Variants in CARS1 observed in about 807,000 individuals in gnomAD.
The protein encoded by CARS1 is cysteinyl-tRNA synthetase 1, also known as cysteine--tRNA ligase, cytoplasmic.
In CARS1, 48 loss-of-function variants were observed where a neutral mutation model predicts 106.2. The observed-to-expected ratio is 0.45, with a 90% CI of 0.36 to 0.57. The LOEUF (loss-of-function observed/expected upper bound fraction) is 0.57, where lower values mean the gene tolerates loss of function less well. Among genes scored for constraint, CARS1 ranks in the 20% least tolerant of loss-of-function variants. The probability of loss-of-function intolerance (pLI) is 0.00; values close to 1 mark genes in which losing one functional copy is unlikely to be tolerated. For missense variants in CARS1, 968 were observed against 1,057.2 expected, an observed-to-expected ratio of 0.92 and a Z score of 1.17; for synonymous variants, 409 against 403.4, an observed-to-expected ratio of 1.01 and a Z score of -0.17.
In CARS1 at chr11:3,028,143, C is replaced by T. The variant is rs1361707958; in HGVS notation, c.1031+853G>A. The T allele has an allele frequency of 4.1e-6, 1 of 243,032 alleles. No homozygotes were observed. 15.1% of individuals were successfully genotyped at this position (243,032 alleles called of 1,614,324 possible). A position where few individuals can be genotyped will look rare whatever the true frequency, so the allele number is the denominator to read the frequency against. ...GGCGTAAGCTGCCTCTCTCTGTCTC[C>T]TCTCTCTCTCTGCCTTGGCTGCCAG... is the stretch of plus-strand genomic sequence containing the variant. On this transcript the variant is annotated intron_variant, in intron 9 of 22. Coordinates refer to ENST00000380525, the MANE Select transcript of CARS1 (RefSeq NM_001014437.3). The surrounding 1 kb of genome is among the most constrained non-coding windows in gnomAD (Gnocchi z 4.4).
At position 3,050,524 on chromosome 11, in the gene CARS1, G is replaced by A. The variant is rs1180388659; in HGVS notation, c.26-2523C>T. ...CCTGGATTCCTGCAAGCCAGACACC[G>A]CCACCTGTAGCCAGCATGGCTCTCC... is the stretch of plus-strand genomic sequence containing the variant. On this transcript the variant is annotated intron_variant, in intron 1 of 22. Coordinates refer to ENST00000380525, the MANE Select transcript of CARS1 (RefSeq NM_001014437.3). This position sits in a 1 kb window ranked among gnomAD's most constrained non-coding sequence, Gnocchi z 6.3. 1.3e-5 allele frequency among the ~76,000 whole-genome samples: 2 copies of A among 152,130 alleles called. No homozygotes were observed. Among genetic ancestry groups the A allele is most frequent in the South Asian group, 2.1e-4 (1 of 4,820 alleles).
At position 3,028,270 on chromosome 11, in the gene CARS1, A is replaced by T. The variant is rs1273038272; in HGVS notation, c.1031+726T>A. ...TAACCTACCCCTTTGTCTTGTATCCAATAAATATCAGTGCAGCCTGGCATT... is the reference window on the plus strand; with the variant it reads ...TAACCTACCCCTTTGTCTTGTATCCTATAAATATCAGTGCAGCCTGGCATT... On this transcript the variant is annotated intron_variant, in intron 9 of 22. Transcript: ENST00000380525. This position sits in a 1 kb window ranked among gnomAD's most constrained non-coding sequence, Gnocchi z 4.4. 7 of 492,432 alleles carry T rather than the reference A, an allele frequency of 1.4e-5. No individual in the cohort carries two copies. The highest frequency in any genetic ancestry group is 2.3e-5 in the Non-Finnish European group (6 of 264,212). 30.5% of individuals were successfully genotyped at this position (492,432 alleles called of 1,614,324 possible). A position where few individuals can be genotyped will look rare whatever the true frequency, so the allele number is the denominator to read the frequency against.
chr11:3,014,140 A>G (rs908946320), intron 17 of CARS1, among the ~76,000 whole-genome samples: 1 of 152,152 alleles, frequency 6.6e-6, no homozygotes, highest in African/African-American at 2.4e-5. Context: ...AAAGGGAGGC[A>G]TTCACCCCAC....
rs1309267182 is a variant in CARS1 at position 3,001,174 on chromosome 11, C to G, written c.2436G>C (p.Glu812Asp). Residue 812 changes from glutamate to aspartate, a missense_variant, in exon 23 of 23, where the codon GAG becomes GAC. Glu to Asp is a conservative substitution (Grantham distance 45). Transcript: ENST00000380525. Reference protein sequence around the residue: ...GQAKKLKKLFEAQEKLYKEYL... With the variant: ...GQAKKLKKLFDAQEKLYKEYL... The stretch of plus-strand genomic sequence containing the variant: ...ATTCCTTGTAGAGCTTCTCCTGAGC[C>G]TCGAAGAGCTTCTTCAGCTTCTTGG... 6.2e-7 allele frequency: 1 copy of G among 1,613,984 alleles called. No individual in the cohort carries two copies. Among genetic ancestry groups the G allele is most frequent in the Non-Finnish European group, 8.5e-7 (1 of 1,180,028 alleles).
chr11:3,056,943 T>A (rs1856267643), intron 1 of CARS1, among the ~76,000 whole-genome samples: 1 of 152,014 alleles, frequency 6.6e-6, no homozygotes. Context: ...CCCCGCGGGG[T>A]CTGTGCTCCA....
At position 3,052,575 on chromosome 11, in the gene CARS1, G is replaced by A. The variant is rs1855807264; in HGVS notation, c.26-4574C>T. On this transcript the variant is annotated intron_variant, in intron 1 of 22. Coordinates refer to ENST00000380525, the MANE Select transcript of CARS1 (RefSeq NM_001014437.3). The surrounding 1 kb of genome is among the most constrained non-coding windows in gnomAD (Gnocchi z 4.6). ...ATAATTCTTAAATGTACCGTCTAGA[G>A]CAGGCTAGACGGCTCATCAAAAGGG... Among the ~76,000 whole-genome samples the A allele has an allele frequency of 6.6e-6, 1 of 152,094 alleles. No individual in the cohort carries two copies. Among genetic ancestry groups the A allele is most frequent in the African/African-American group, 2.4e-5 (1 of 41,402 alleles).
intron 18 of CARS1, among the ~76,000 whole-genome samples, chr11:3,011,471 G>A (rs1049617281): frequency 1.4e-3 from 215 of 152,060 alleles, no homozygotes; most frequent in Non-Finnish European, 2.3e-3. Flanking sequence ...AAAATTAGCC[G>A]GGCGCGGTGG....
chr11:3,057,059 C>T (rs1001754634), intron 1 of CARS1, among the ~76,000 whole-genome samples: 2 of 152,102 alleles, frequency 1.3e-5, no homozygotes, highest in African/African-American at 4.8e-5. Context: ...TGCCACCCCT[C>T]GAACCTCAGG....
At chr11:3,002,690 T>G in intron 20 of CARS1, 90 bp from the exon 21 acceptor site, 2 of 1,581,384 alleles carry the variant, frequency 1.3e-6, no homozygotes, top group East Asian at 4.5e-5. Context: ...CAAGCCCCTC[T>G]CCTAGGGCCT....
At chr11:3,002,495 G>A in intron 21 of CARS1, 46 bp downstream of exon 21, 2 of 1,610,034 alleles carry the variant, frequency 1.2e-6, no homozygotes, top group Non-Finnish European at 1.7e-6. Flanking sequence ...GGGTCAGGGT[G>A]CACTCCTGCC....
chr11:3,029,404 G>A lies in CARS1; in HGVS notation c.841C>T (p.Leu281=). The A allele has an allele frequency of 6.2e-7, 1 of 1,614,086 alleles. No individual in the cohort carries two copies. Among genetic ancestry groups the A allele is most frequent in the Non-Finnish European group, 8.5e-7 (1 of 1,179,998 alleles). ...EEAKDLLSDW[L]DSTLGCDVTD... is the part of the protein sequence containing the mutation. ...ACATCACAGCCAAGTGTAGAATCCA[G>A]CCAGTCAGAGAGCAAATCCTTGGCT... The change falls in exon 8 of 23, where the codon CTG becomes TTG. Residue 281 remains leucine (L), a synonymous_variant. Transcript: ENST00000380525. This position sits in a 1 kb window ranked among gnomAD's most constrained non-coding sequence, Gnocchi z 5.9.
rs933241312 is a variant in CARS1, at chr11:3,020,323, C to T, written c.1163G>A (p.Ser388Asn). ...KALQEGEGDL[S>N]ISADRLSEKR... ...CTCACTCAGGCGGTCTGCAGAGATG[C>T]TCAGGTCACCTGCAAACACGAGGGA... The change falls in exon 11 of 23, where the codon AGC (serine) becomes AAC (asparagine). Residue 388 changes from serine to asparagine, a missense_variant. Coordinates refer to ENST00000380525, the MANE Select transcript of CARS1 (RefSeq NM_001014437.3). This position sits in a 1 kb window ranked among gnomAD's most constrained non-coding sequence, Gnocchi z 4.6. The T allele has an allele frequency of 1.2e-6, 2 of 1,611,166 alleles. No individual in the cohort carries two copies. Among genetic ancestry groups the T allele is most frequent in the Admixed American group, 1.7e-5 (1 of 60,008 alleles).
chr11:3,003,691 G>A lies in CARS1; in HGVS notation c.2218-1091C>T, dbSNP rs1329805768. On this transcript the variant is annotated intron_variant, in intron 20 of 22. Transcript: ENST00000380525. This position sits in a 1 kb window ranked among gnomAD's most constrained non-coding sequence, Gnocchi z 4.8. ...GGGCTGGCCGAGGGAAAGGGGCTGA[G>A]GTGGGGGAGGAGCTGGGCACTGAGC... 6.6e-6 allele frequency among the ~76,000 whole-genome samples: 1 copy of A among 152,198 alleles called. No individual in the cohort carries two copies. The highest frequency in any genetic ancestry group is 2.4e-5 in the African/African-American group (1 of 41,436).
chr11:3,012,436 C>T (rs562637135), intron 17 of CARS1, among the ~76,000 whole-genome samples, 160 bp from the exon 18 acceptor site: 1 of 152,346 alleles, frequency 6.6e-6, no homozygotes, highest in South Asian at 2.1e-4. Context: ...TGGACGCTCT[C>T]GTCCCTGACA....
Position 3,012,122 on chromosome 11 carries a change from G to C in CARS1, c.2068+73C>G, listed in dbSNP as rs370242652. 1.0e-4 allele frequency: 142 copies of C among 1,352,834 alleles called. 1 individual carries two copies. The East Asian group carries it at 1.5e-3, about 14-fold the overall frequency. The allele number at this position is 1,352,834 out of a possible 1,614,324, so 83.8% of individuals were successfully genotyped here. On this transcript the variant is annotated intron_variant, in intron 18 of 22. Transcript: ENST00000380525. ...TCCGGCCTGAACGCCATAGTGCCTCGGGGGAGACGCCCGGTCCGGGGAGCC... is the reference window on the plus strand; with the variant it reads ...TCCGGCCTGAACGCCATAGTGCCTCCGGGGAGACGCCCGGTCCGGGGAGCC...
In CARS1 at chr11:3,018,661, T is replaced by G; in HGVS notation, c.1484A>C (p.Lys495Thr). The G allele has an allele frequency of 1.2e-6, 2 of 1,614,260 alleles. No individual in the cohort carries two copies. The highest frequency in any genetic ancestry group is 1.7e-6 in the Non-Finnish European group (2 of 1,180,048). ...GGCATCTTTAATGGTGATGAAGTTT[T>G]TTAGTGACTTTGACATTTTGCAGCC... The part of the protein sequence containing the change: ...IAGCKMSKSL[K>T]NFITIKDALK... Residue 495 changes from lysine to threonine, a missense_variant, in exon 13 of 23, where the codon AAA (lysine) becomes ACA (threonine). Lys to Thr is a moderately conservative substitution (Grantham distance 78, BLOSUM62 -1). Coordinates refer to ENST00000380525, the MANE Select transcript of CARS1 (RefSeq NM_001014437.3).
chr11:3,028,925 A>G lies in CARS1; in HGVS notation c.1031+71T>C. The G allele has an allele frequency of 9.5e-7, 1 of 1,049,306 alleles. No homozygotes were observed. Among genetic ancestry groups the G allele is most frequent in the Non-Finnish European group, 1.5e-6 (1 of 674,598 alleles). The allele number at this position is 1,049,306 out of a possible 1,614,324, so 65.0% of individuals were successfully genotyped here. A position where few individuals can be genotyped will look rare whatever the true frequency, so the allele number is the denominator to read the frequency against. ...TCCTCTGCTTCCCAAACTCAGGCTC[A>G]GAGCTGGGGAGCTCCTCCCTGTGCG... On this transcript the variant is annotated intron_variant, in intron 9 of 22. Transcript: ENST00000380525. The surrounding 1 kb of genome is among the most constrained non-coding windows in gnomAD (Gnocchi z 4.4).
At chr11:3,027,821 C>A (rs540342402) in intron 9 of CARS1, 23 of 454,652 alleles carry the variant, frequency 5.1e-5, no homozygotes, top group South Asian at 3.3e-4. Flanking sequence ...TGTGGTCTAG[C>A]GGTAGCGTAA....
rs1306312570 is a variant in CARS1 at position 3,046,075 on chromosome 11, G to A, written c.274+1678C>T. On this transcript the variant is annotated intron_variant, in intron 2 of 22. Transcript: ENST00000380525. This position sits in a 1 kb window ranked among gnomAD's most constrained non-coding sequence, Gnocchi z 5.8. The stretch of plus-strand genomic sequence containing the variant: ...CAGCCTCTTGCGCAGCCTGGGTGAT[G>A]AGGGGATTTGGAACCTGGGGAGGGC... 1.3e-5 allele frequency among the ~76,000 whole-genome samples: 2 copies of A among 152,232 alleles called. No individual in the cohort carries two copies. The highest frequency in any genetic ancestry group is 2.9e-5 in the Non-Finnish European group (2 of 68,040).
Sources: gnomAD v4.1 joint callset for allele counts (sites outside exome capture counted in the v4.1 genomes callset) on GRCh38, gnomAD v4.1.1 for gene constraint, Gnocchi (gnomAD v3.1) non-coding constraint, MANE v1.5 for transcripts, NCBI Gene and HGNC (gene_info 2026-07-23, HGNC 2026-07-21) for gene names.